The following SNTG1 variants were observed in gnomAD, a reference collection of about 807,000 sequenced individuals.
SNTG1 encodes syntrophin gamma 1, also known as gamma-1-syntrophin.
A neutral mutation model predicts 74.7 loss-of-function variants in SNTG1; 39 were observed. That is an observed-to-expected ratio of 0.52 (90% CI 0.40 to 0.68). The LOEUF (loss-of-function observed/expected upper bound fraction) is 0.68, where lower values mean the gene tolerates loss of function less well. Ranked by LOEUF, SNTG1 falls within the 30% of genes least tolerant of loss-of-function variation. SNTG1 has a pLI of 0.00. For synonymous variants in SNTG1, 254 were observed against 217.1 expected, an observed-to-expected ratio of 1.17 and a Z score of -1.49; for missense variants, 685 against 609.5, an observed-to-expected ratio of 1.12 and a Z score of -1.30.
intron 1 of SNTG1, among the ~76,000 whole-genome samples, chr8:49,977,893 G>A (rs1042188624): frequency 2.0e-5 from 3 of 152,178 alleles, no homozygotes; most frequent in African/African-American, 7.2e-5. Flanking sequence ...GGCGTTAGAC[G>A]GTCTTCAGTT....
chr8:49,942,072 TA>T (rs1464492288), intron 1 of SNTG1, among the ~76,000 whole-genome samples: 14 of 152,174 alleles, frequency 9.2e-5, no homozygotes, highest in Admixed American at 9.2e-4. Flanking sequence ...AAGGGTACGC[TA>T]AATATAGACT....
intron 1 of SNTG1, chr8:50,164,092 C>CTTTTTTTTT (rs3086088): frequency 4.6e-4 from 33 of 71,998 alleles, no homozygotes; most frequent in East Asian, 5.8e-4. Flanking sequence ...GACACAATTT[C>CTTTTTTTTT]TTTTTTTTTT....
Position 50,796,277 on chromosome 8 carries a change from C to T in SNTG1, c.*3448C>T, listed in dbSNP as rs974026525. The stretch of plus-strand genomic sequence containing the variant: ...ACTTTTTAAGGTAAGTGTAGATGTT[C>T]GGATACTAATAACAAAGATTTTGCT... On this transcript the variant is annotated 3_prime_UTR_variant, in exon 19 of 19. Transcript: ENST00000642720. 3 of 150,978 alleles carry T rather than the reference C, an allele frequency of 2.0e-5. No homozygotes were observed. Among genetic ancestry groups the T allele is most frequent in the Admixed American group, 1.3e-4 (2 of 15,154 alleles). The allele number at this position is 150,978 out of a possible 1,614,324, so 9.4% of individuals were successfully genotyped here.
At chr8:50,616,379 T>C (rs1351537673) in intron 13 of SNTG1, among the ~76,000 whole-genome samples, 1 of 152,188 alleles carries the variant, frequency 6.6e-6, no homozygotes, top group South Asian at 2.1e-4. Context: ...GTCAGGGTCA[T>C]AGACTTGTGT....
At chr8:50,719,950 T>A (rs1490478891) in intron 17 of SNTG1, among the ~76,000 whole-genome samples, 1 of 151,158 alleles carries the variant, frequency 6.6e-6, no homozygotes, top group Non-Finnish European at 1.5e-5. Context: ...ATGAAATATA[T>A]TTTTTTTATG....
chr8:50,470,941 G>C (rs2093648777), intron 8 of SNTG1, among the ~76,000 whole-genome samples: 1 of 152,160 alleles, frequency 6.6e-6, no homozygotes, highest in South Asian at 2.1e-4. Flanking sequence ...CCATTTTACA[G>C]AGTGCTGATT....
intron 2 of SNTG1, among the ~76,000 whole-genome samples, chr8:50,180,151 A>G (rs934430288): frequency 1.1e-4 from 17 of 152,238 alleles, no homozygotes; most frequent in African/African-American, 3.9e-4. Flanking sequence ...CCTGGAGGAT[A>G]TTACACTAAG....
chr8:50,087,762 T>C (rs1250592986), intron 1 of SNTG1, among the ~76,000 whole-genome samples: 1 of 151,946 alleles, frequency 6.6e-6, no homozygotes, highest in African/African-American at 2.4e-5. Flanking sequence ...ATTTAGAATT[T>C]ATTTTATTTA....
intron 1 of SNTG1, among the ~76,000 whole-genome samples, chr8:50,038,444 C>T (rs1818344476): frequency 6.6e-6 from 1 of 152,118 alleles, no homozygotes; most frequent in South Asian, 2.1e-4. Context: ...CTCCTCTCTC[C>T]AACCCTCCTG....
chr8:50,415,713 T>C (rs1330385162), intron 4 of SNTG1, among the ~76,000 whole-genome samples: 1 of 151,992 alleles, frequency 6.6e-6, no homozygotes. Context: ...CTTGCTATCA[T>C]ACATATTGTT....
intron 2 of SNTG1, among the ~76,000 whole-genome samples, chr8:50,204,408 G>A (rs985828836): frequency 2.0e-5 from 3 of 151,764 alleles, no homozygotes; most frequent in Admixed American, 6.6e-5. Flanking sequence ...TCTTTTCCTT[G>A]CCAATGTGTC....
chr8:50,462,794 C>CTTTTTTTTTT lies in SNTG1; in HGVS notation c.363+12066_363+12067insTTTTTTTTTT, dbSNP rs2093576027. Reference sequence around the variant, plus strand: ...AACTCAGTCGCATCTTCAGGTTCTACTCTTTTTTTTTTTTTTTTTTTTTTT... The same window carrying CTTTTTTTTTT: ...AACTCAGTCGCATCTTCAGGTTCTACTTTTTTTTTTTCTTTTTTTTTTTTTTTTTTTTTTT... On this transcript the variant is annotated intron_variant, in intron 8 of 18. Coordinates refer to ENST00000642720, the MANE Select transcript of SNTG1 (RefSeq NM_018967.5). Among the ~76,000 whole-genome samples, 20 of 43,628 alleles carry CTTTTTTTTTT rather than the reference C, an allele frequency of 4.6e-4. 9 individuals are homozygous for CTTTTTTTTTT. The highest frequency in any genetic ancestry group is 4.2e-4 in the Non-Finnish European group (9 of 21,436). The allele number at this position is 43,628 out of a possible 152,430, so 28.6% of individuals were successfully genotyped here. A position where few individuals can be genotyped will look rare whatever the true frequency, so the allele number is the denominator to read the frequency against.
intron 18 of SNTG1, among the ~76,000 whole-genome samples, chr8:50,778,621 AGGTTGC>A (rs2095648512): frequency 6.8e-6 from 1 of 147,554 alleles, no homozygotes; most frequent in African/African-American, 2.7e-5. Context: ...TCAGATGAGT[AGGTTGC>A]GAAAATTTTC....
intron 2 of SNTG1, among the ~76,000 whole-genome samples, chr8:50,269,103 T>C (rs2130248418): frequency 6.6e-6 from 1 of 152,290 alleles, no homozygotes; most frequent in African/African-American, 2.4e-5. Context: ...TCAAAATGAA[T>C]TACTGGTTTA....
intron 1 of SNTG1, among the ~76,000 whole-genome samples, chr8:50,039,070 G>A (rs142757344): frequency 6.6e-6 from 1 of 152,258 alleles, no homozygotes; most frequent in African/African-American, 2.4e-5. Context: ...AAATGGGGTC[G>A]TTTGCTTAAG....
intron 13 of SNTG1, among the ~76,000 whole-genome samples, chr8:50,639,220 T>TTA (rs1554596245): frequency 6.8e-6 from 1 of 147,876 alleles, no homozygotes; most frequent in African/African-American, 2.5e-5. Context: ...GCTTTTCAGT[T>TTA]AAAAAAAAAA....
intron 13 of SNTG1, among the ~76,000 whole-genome samples, chr8:50,635,507 C>T (rs2095033316): frequency 1.3e-5 from 2 of 152,184 alleles, no homozygotes; most frequent in African/African-American, 4.8e-5. Context: ...AAATGCAAGA[C>T]AAAGTCCTTT....
chr8:50,467,704 T>C (rs1328322324), intron 8 of SNTG1, among the ~76,000 whole-genome samples: 1 of 151,988 alleles, frequency 6.6e-6, no homozygotes, highest in Non-Finnish European at 1.5e-5. Flanking sequence ...TTGCTGCTTT[T>C]TCTAATTCTG....
At chr8:50,309,826 C>CA (rs893387402) in intron 2 of SNTG1, among the ~76,000 whole-genome samples, 30 of 151,912 alleles carry the variant, frequency 2.0e-4, no homozygotes, top group African/African-American at 2.9e-4. Flanking sequence ...TACTTAGTAT[C>CA]AAAAAAAACC....
Sources: gnomAD v4.1 joint callset for allele counts (sites outside exome capture counted in the v4.1 genomes callset) on GRCh38, gnomAD v4.1.1 for gene constraint, MANE v1.5 for transcripts, NCBI Gene and HGNC (gene_info 2026-07-23, HGNC 2026-07-21) for gene names.